Variants in STK4 observed in about 807,000 individuals in gnomAD.
STK4 encodes serine/threonine kinase 4, also known as serine/threonine-protein kinase 4.
STK4 carries 30 observed loss-of-function variants against 64.9 expected under a neutral mutation model. The ratio of observed to expected loss-of-function variants is 0.46; its 90% CI spans 0.35 to 0.63. The LOEUF is 0.63. Ranked by LOEUF, STK4 falls within the 20% of genes least tolerant of loss-of-function variation. The probability of loss-of-function intolerance (pLI) is 0.01; values close to 1 mark genes in which losing one functional copy is unlikely to be tolerated. For synonymous variants in STK4, 177 were observed against 199.0 expected (o/e 0.89, Z 0.93); for missense variants, 466 against 598.5 (o/e 0.78, Z 2.31).
chr20:45,061,650 A>C (rs900239532), intron 10 of STK4, among the ~76,000 whole-genome samples: 1 of 143,552 alleles, frequency 7.0e-6, no homozygotes, highest in Non-Finnish European at 1.5e-5. Context: ...AGTTTTTTAC[A>C]TAGGTAAACT....
At chr20:45,057,337 T>C (rs1978573387) in intron 10 of STK4, among the ~76,000 whole-genome samples, 2 of 152,176 alleles carry the variant, frequency 1.3e-5, no homozygotes, top group South Asian at 4.1e-4. Context: ...TGCACTTGGA[T>C]CTTAGAGGTA....
At position 45,078,735 on chromosome 20, in the gene STK4, AT is replaced by A. The variant is rs1201455722; in HGVS notation, c.*3561del. 1.3e-5 allele frequency: 2 copies of A among 152,188 alleles called. No individual in the cohort carries two copies. Among genetic ancestry groups the A allele is most frequent in the African/African-American group, 4.8e-5 (2 of 41,424 alleles). The allele number at this position is 152,188 out of a possible 1,614,324, so 9.4% of individuals were successfully genotyped here. A position where few individuals can be genotyped will look rare whatever the true frequency, so the allele number is the denominator to read the frequency against. On this transcript the variant is annotated 3_prime_UTR_variant, in exon 11 of 11. Coordinates refer to ENST00000372806, the MANE Select transcript of STK4 (RefSeq NM_006282.5). ...ACCAGTCATCTGAAGCAACTTAAGAATTGTAGCCTTGACTCCTTGAGACTGT... is the reference window on the plus strand; with the variant it reads ...ACCAGTCATCTGAAGCAACTTAAGAATGTAGCCTTGACTCCTTGAGACTGT...
At chr20:45,060,441 TG>T (rs1214281816) in intron 10 of STK4, among the ~76,000 whole-genome samples, 1 of 152,022 alleles carries the variant, frequency 6.6e-6, no homozygotes, top group Non-Finnish European at 1.5e-5. Context: ...GCACTATAAA[TG>T]TGTGACGAGA....
At chr20:45,024,550 C>T (rs2068310106) in intron 9 of STK4, among the ~76,000 whole-genome samples, 1 of 152,044 alleles carries the variant, frequency 6.6e-6, no homozygotes, top group Non-Finnish European at 1.5e-5. Context: ...TGTATCATCC[C>T]CTCTTCCTAC....
At chr20:45,069,051 T>C (rs1455583029) in intron 10 of STK4, among the ~76,000 whole-genome samples, 1 of 152,220 alleles carries the variant, frequency 6.6e-6, no homozygotes, top group African/African-American at 2.4e-5. Context: ...TTGGCAGACA[T>C]CAGACCTCAT....
chr20:45,011,291 T>A (rs935846017), intron 9 of STK4, among the ~76,000 whole-genome samples: 2 of 152,148 alleles, frequency 1.3e-5, no homozygotes, highest in Admixed American at 6.6e-5. Context: ...CTGTATTAAG[T>A]TAATGGGTTA....
chr20:45,069,706 T>C (rs1242875163), intron 10 of STK4, among the ~76,000 whole-genome samples: 1 of 152,218 alleles, frequency 6.6e-6, no homozygotes. Flanking sequence ...TGATGCCCCA[T>C]GTAAGCTTGC....
At chr20:45,038,547 T>C (rs2068563078) in intron 10 of STK4, among the ~76,000 whole-genome samples, 1 of 152,212 alleles carries the variant, frequency 6.6e-6, no homozygotes, top group East Asian at 1.9e-4. Flanking sequence ...TCTGAGATAC[T>C]GTTGGAGAAA....
chr20:44,976,141 C>T (rs983564559), intron 2 of STK4, among the ~76,000 whole-genome samples: 4 of 152,128 alleles, frequency 2.6e-5, no homozygotes, highest in Non-Finnish European at 5.9e-5. Context: ...ATGAAAACTA[C>T]AACAATTGAA....
intron 10 of STK4, among the ~76,000 whole-genome samples, chr20:45,033,064 A>G (rs950388358): frequency 2.6e-5 from 4 of 152,134 alleles, no homozygotes; most frequent in African/African-American, 4.8e-5. Flanking sequence ...GACCATGTGT[A>G]TGTCTTCTTT....
At chr20:45,019,283 A>C (rs763251804) in intron 9 of STK4, among the ~76,000 whole-genome samples, 5 of 152,182 alleles carry the variant, frequency 3.3e-5, no homozygotes, top group Non-Finnish European at 7.3e-5. Flanking sequence ...GTTTATGTAA[A>C]TGGAATCATA....
chr20:45,054,523 C>T (rs113347617), intron 10 of STK4, among the ~76,000 whole-genome samples: 3,000 of 147,346 alleles, frequency 0.02, 94 homozygotes, highest in African/African-American at 0.068. Context: ...GATTGCACCA[C>T]TGCACTCTAG....
chr20:45,061,581 T>C (rs1250741369), intron 10 of STK4, among the ~76,000 whole-genome samples: 2 of 148,880 alleles, frequency 1.3e-5, no homozygotes, highest in East Asian at 3.9e-4. Context: ...CCTTTTGTTT[T>C]ATTTTAGTAT....
At chr20:44,992,761 C>G (rs538833776) in intron 5 of STK4, among the ~76,000 whole-genome samples, 1 of 152,170 alleles carries the variant, frequency 6.6e-6, no homozygotes, top group Non-Finnish European at 1.5e-5. Flanking sequence ...GTAGCGCAAT[C>G]TTGGCTCACT....
At position 44,997,174 on chromosome 20, in the gene STK4, C is replaced by A; in HGVS notation, c.699C>A (p.Ile233=). The stretch of plus-strand genomic sequence containing the variant: ...TGTTTGTTTGTTCTAACCAGGCAAT[C>A]TTCATGATTCCTACAAATCCTCCTC... The part of the protein sequence containing the change: ...PYADIHPMRA[I]FMIPTNPPPT... Residue 233 remains isoleucine, a synonymous_variant, in exon 7 of 11, where the codon ATC becomes ATA. Coordinates refer to ENST00000372806, the MANE Select transcript of STK4 (RefSeq NM_006282.5). 1 of 1,613,774 alleles carries A rather than the reference C, an allele frequency of 6.2e-7. No individual in the cohort carries two copies. Among genetic ancestry groups the A allele is most frequent in the South Asian group, 1.1e-5 (1 of 91,062 alleles).
rs6031954 is a variant in STK4 at position 45,052,839 on chromosome 20, C to A, written c.1306-22179C>A. 8.3e-3 allele frequency among the ~76,000 whole-genome samples: 1,257 copies of A among 152,260 alleles called. 17 individuals are homozygous for A. The highest frequency in any genetic ancestry group is 0.029 in the African/African-American group (1,187 of 41,546). ...CTATGTTTGGTGTTTAGGTTTCTGA[C>A]CCGGCAGTGCCATGTGAATGCCCAG... On this transcript the variant is annotated intron_variant, in intron 10 of 10. Coordinates refer to ENST00000372806, the MANE Select transcript of STK4 (RefSeq NM_006282.5).
Position 45,056,912 on chromosome 20 carries a change from G to A in STK4, c.1306-18106G>A. Among the ~76,000 whole-genome samples, 2 of 152,222 alleles carry A rather than the reference G, an allele frequency of 1.3e-5. 1 individual carries two copies. Among genetic ancestry groups the A allele is most frequent in the East Asian group, 3.8e-4 (2 of 5,202 alleles). ...GTTCAGCCCATGGAATCACAGAGGA[G>A]TTTGCTGGTTTGACAAGACTGGAGC... On this transcript the variant is annotated intron_variant, in intron 10 of 10. Coordinates refer to ENST00000372806, the MANE Select transcript of STK4 (RefSeq NM_006282.5).
At chr20:45,011,734 T>A (rs867526558) in intron 9 of STK4, among the ~76,000 whole-genome samples, 7,284 of 98,650 alleles carry the variant, frequency 0.074, 322 homozygotes, top group South Asian at 0.099. Context: ...TATATATTTT[T>A]TTTTTTTTTT....
At chr20:44,972,056 G>A in intron 1 of STK4, 22 bp from the exon 2 acceptor site, 2 of 1,604,584 alleles carry the variant, frequency 1.2e-6, no homozygotes, top group Non-Finnish European at 1.7e-6. Flanking sequence ...TGTATTTTGT[G>A]TTTATATTTC....
Sources: gnomAD v4.1 joint callset for allele counts (sites outside exome capture counted in the v4.1 genomes callset) on GRCh38, gnomAD v4.1.1 for gene constraint, MANE v1.5 for transcripts, NCBI Gene and HGNC (gene_info 2026-07-23, HGNC 2026-07-21) for gene names.